Variants in CTNNA2 observed in about 807,000 individuals in gnomAD.
The protein encoded by CTNNA2 is catenin alpha 2, also known as catenin alpha-2.
In CTNNA2, 42 loss-of-function variants were observed where a neutral mutation model predicts 101.0. The observed-to-expected ratio is 0.42, with a 90% CI of 0.32 to 0.54. The LOEUF (loss-of-function observed/expected upper bound fraction) is 0.54, where lower values mean the gene tolerates loss of function less well. CTNNA2 is among the 20% of genes least tolerant of loss of function. The pLI is 0.14. For missense variants in CTNNA2, 871 were observed against 1,223.1 expected (o/e 0.71, Z 4.29); for synonymous variants, 450 against 456.4 (o/e 0.99, Z 0.18).
intron 9 of CTNNA2, among the ~76,000 whole-genome samples, chr2:80,482,455 G>A (rs1049650847): frequency 1.3e-5 from 2 of 152,168 alleles, no homozygotes; most frequent in African/African-American, 4.8e-5. Context: ...GAGACGGACA[G>A]TCTGTCACAA....
chr2:80,003,088 TAGCAGCAGC>T (rs535834167), intron 7 of CTNNA2, among the ~76,000 whole-genome samples: 1 of 151,974 alleles, frequency 6.6e-6, no homozygotes, highest in Admixed American at 6.6e-5. Context: ...GTGGTGCTTC[TAGCAGCAGC>T]AGCAGCAGCA....
chr2:80,165,099 A>C (rs1474100061), intron 7 of CTNNA2, among the ~76,000 whole-genome samples: 1 of 151,816 alleles, frequency 6.6e-6, no homozygotes, highest in Non-Finnish European at 1.5e-5. Context: ...ACATTTTTGA[A>C]GTTTTTAGTT....
chr2:80,603,362 G>A (rs973591268), intron 15 of CTNNA2, among the ~76,000 whole-genome samples: 3 of 151,910 alleles, frequency 2.0e-5, no homozygotes, highest in African/African-American at 7.2e-5. Flanking sequence ...AAAATATTAG[G>A]GTGATGGTTT....
chr2:79,256,008 A>G (rs1274129008), intron 2 of CTNNA2, among the ~76,000 whole-genome samples: 1 of 152,164 alleles, frequency 6.6e-6, no homozygotes, highest in East Asian at 1.9e-4. Context: ...AGAGTATCAT[A>G]AGCTGTAAAA....
rs182570768 is a variant in CTNNA2 at position 79,944,608 on chromosome 2, C to A, written c.1056+34811C>A. On this transcript the variant is annotated intron_variant, in intron 7 of 18. Coordinates refer to ENST00000402739, the MANE Select transcript of CTNNA2 (RefSeq NM_001282597.3). ...GTGTGGAGCGGGGTGGGGGTAGGGACCTGGAAATCTAAGCTTGAAAGTGAT... is the reference window on the plus strand; with the variant it reads ...GTGTGGAGCGGGGTGGGGGTAGGGAACTGGAAATCTAAGCTTGAAAGTGAT... Among the ~76,000 whole-genome samples the A allele has an allele frequency of 2.4e-4, 37 of 152,192 alleles. No individual in the cohort carries two copies. In the East Asian group the frequency reaches 7.2e-3, roughly 30 times the overall value.
intron 7 of CTNNA2, among the ~76,000 whole-genome samples, chr2:79,946,278 A>G (rs928260678): frequency 1.1e-4 from 17 of 152,124 alleles, no homozygotes; most frequent in Non-Finnish European, 2.5e-4. Flanking sequence ...TGCCAGGAAC[A>G]AAGGCTAAAT....
At chr2:80,365,501 G>A (rs1260318828) in intron 7 of CTNNA2, among the ~76,000 whole-genome samples, 1 of 150,648 alleles carries the variant, frequency 6.6e-6, no homozygotes, top group African/African-American at 2.4e-5. Flanking sequence ...GCACATATAA[G>A]CTCATTATAT....
intron 7 of CTNNA2, among the ~76,000 whole-genome samples, chr2:80,010,983 G>A (rs761781762): frequency 3.3e-5 from 5 of 152,056 alleles, no homozygotes; most frequent in Non-Finnish European, 7.4e-5. Context: ...AAAGGCTTAA[G>A]TGGAATATCA....
At chr2:80,167,401 T>C (rs1704771902) in intron 7 of CTNNA2, among the ~76,000 whole-genome samples, 1 of 152,190 alleles carries the variant, frequency 6.6e-6, no homozygotes, top group African/African-American at 2.4e-5. Context: ...CTTTATCCCT[T>C]TGGTGCTTGG....
At chr2:80,437,133 C>T (rs1682110746) in intron 9 of CTNNA2, among the ~76,000 whole-genome samples, 2 of 152,200 alleles carry the variant, frequency 1.3e-5, no homozygotes, top group South Asian at 4.1e-4. Flanking sequence ...GGCACTGAAT[C>T]TGCTGGTCCC....
At chr2:80,507,323 T>C (rs761063894) in intron 9 of CTNNA2, among the ~76,000 whole-genome samples, 4 of 152,166 alleles carry the variant, frequency 2.6e-5, no homozygotes, top group Admixed American at 6.5e-5. Context: ...TTTATCCCTT[T>C]TACTTTTTTT....
chr2:80,558,490 A>G lies in CTNNA2; in HGVS notation c.1741+2597A>G, dbSNP rs75022533. On this transcript the variant is annotated intron_variant, in intron 12 of 18. Transcript: ENST00000402739. ...TGTGTGTGTGTGTGTGTGTGTGTAT[A>G]TATATATGTTGTCTAAAGTGATTTA... Among the ~76,000 whole-genome samples the G allele has an allele frequency of 3.0e-3, 382 of 127,500 alleles. 2 individuals are homozygous for G. The East Asian group carries it at 0.033, about 11-fold the overall frequency. The allele number at this position is 127,500 out of a possible 152,430, so 83.6% of individuals were successfully genotyped here.
chr2:79,468,049 G>T (rs917441588), intron 4 of CTNNA2, among the ~76,000 whole-genome samples: 5 of 152,088 alleles, frequency 3.3e-5, no homozygotes, highest in African/African-American at 1.2e-4. Flanking sequence ...AAATGTAAAT[G>T]GGCTAAATGC....
intron 2 of CTNNA2, among the ~76,000 whole-genome samples, chr2:79,202,555 G>A (rs1030999680): frequency 1.3e-4 from 20 of 151,952 alleles, no homozygotes; most frequent in African/African-American, 4.6e-4. Flanking sequence ...ACCTAACTCC[G>A]TTTCCCCTGT....
chr2:80,072,064 A>G (rs1023910240), intron 7 of CTNNA2, among the ~76,000 whole-genome samples: 2 of 152,176 alleles, frequency 1.3e-5, no homozygotes, highest in Non-Finnish European at 2.9e-5. Context: ...GCTGGAGTCT[A>G]TAGATAGACA....
chr2:80,513,422 G>A lies in CTNNA2; in HGVS notation c.1291-31560G>A, dbSNP rs115143356. Among the ~76,000 whole-genome samples the A allele has an allele frequency of 5.1e-3, 775 of 152,286 alleles. 6 individuals are homozygous for A. Among genetic ancestry groups the A allele is most frequent in the Non-Finnish European group, 7.5e-3 (510 of 68,030 alleles). On this transcript the variant is annotated intron_variant, in intron 9 of 18. Transcript: ENST00000402739. ...TGACAGATTCTCTGTACCACCTCAGGTGTATACTACAAGAAGACAAACACT... is the reference window on the plus strand; with the variant it reads ...TGACAGATTCTCTGTACCACCTCAGATGTATACTACAAGAAGACAAACACT...
At chr2:80,084,349 G>A (rs1426901329) in intron 7 of CTNNA2, among the ~76,000 whole-genome samples, 1 of 152,114 alleles carries the variant, frequency 6.6e-6, no homozygotes, top group East Asian at 1.9e-4. Context: ...CATTGACTCA[G>A]AGCACACACA....
chr2:80,238,100 C>T (rs573028564), intron 7 of CTNNA2, among the ~76,000 whole-genome samples: 1 of 152,142 alleles, frequency 6.6e-6, no homozygotes, highest in Non-Finnish European at 1.5e-5. Flanking sequence ...TGGTAAGACT[C>T]CCTCCCCTGG....
chr2:80,009,261 C>A (rs1306390914), intron 7 of CTNNA2, among the ~76,000 whole-genome samples: 1 of 152,162 alleles, frequency 6.6e-6, no homozygotes, highest in Non-Finnish European at 1.5e-5. Flanking sequence ...TGCATCTGGG[C>A]CTTCAATGTG....
Sources: allele counts gnomAD v4.1 joint callset (sites outside exome capture counted in the v4.1 genomes callset), GRCh38; gene constraint gnomAD v4.1.1; transcripts MANE v1.5; gene names NCBI Gene and HGNC (gene_info 2026-07-23, HGNC 2026-07-21).